Variants in PHC2 observed in about 807,000 individuals in gnomAD.
The protein encoded by PHC2 is polyhomeotic homolog 2, also known as polyhomeotic-like protein 2.
A neutral mutation model predicts 87.4 loss-of-function variants in PHC2; 29 were observed. The observed-to-expected ratio is 0.33, with a 90% CI of 0.25 to 0.45. The LOEUF (loss-of-function observed/expected upper bound fraction) is 0.45, where lower values mean the gene tolerates loss of function less well. Among genes scored for constraint, PHC2 ranks in the 20% least tolerant of loss-of-function variants. The pLI, the probability that PHC2 is intolerant of heterozygous loss-of-function variation, is 1.00. For missense variants in PHC2, 857 were observed against 1,136.7 expected (o/e 0.75, Z 3.54); for synonymous variants, 438 against 461.7 (o/e 0.95, Z 0.66).
At chr1:33,391,653 GAAA>G (rs11315105) in intron 1 of PHC2, among the ~76,000 whole-genome samples, 1 of 140,044 alleles carries the variant, frequency 7.1e-6, no homozygotes, top group African/African-American at 2.5e-5. Flanking sequence ...CCTTTGATAG[GAAA>G]AAAAAAAAAA....
rs751803582 is a variant in PHC2, at chr1:33,332,257, AG to A, written c.1891+17del. 6.2e-7 allele frequency: 1 copy of A among 1,613,880 alleles called. No homozygotes were observed. Among genetic ancestry groups the A allele is most frequent in the South Asian group, 1.1e-5 (1 of 91,068 alleles). ...GCCACGCTGGGAGGCCGAGAGATTC[AG>A]GGTCTGAGATGCCCACCTTGCAGAT... is the stretch of plus-strand genomic sequence containing the variant. On this transcript the variant is annotated intron_variant, in intron 11 of 14. Transcript: ENST00000683057. This position sits in a 1 kb window ranked among gnomAD's most constrained non-coding sequence, Gnocchi z 4.2.
At chr1:33,346,248 G>GGC in intron 9 of PHC2, 2 of 284,156 alleles carry the variant, frequency 7.0e-6, no homozygotes, top group Non-Finnish European at 1.0e-5. Context: ...GGGAGGGTGG[G>GGC]CAGGCTCAGA....
At chr1:33,415,450 C>T (rs1324396873) in intron 1 of PHC2, among the ~76,000 whole-genome samples, 2 of 152,210 alleles carry the variant, frequency 1.3e-5, no homozygotes, top group African/African-American at 4.8e-5. Flanking sequence ...AGACCAACGG[C>T]TGCTCTGGAC....
At chr1:33,379,895 C>T (rs1302369862) in intron 1 of PHC2, among the ~76,000 whole-genome samples, 2 of 152,136 alleles carry the variant, frequency 1.3e-5, no homozygotes, top group Non-Finnish European at 2.9e-5. Context: ...CTCCCAAGTG[C>T]CCGCACCCTT....
chr1:33,340,519 A>C (rs1255309058), intron 9 of PHC2, among the ~76,000 whole-genome samples: 1 of 152,236 alleles, frequency 6.6e-6, no homozygotes, highest in African/African-American at 2.4e-5. Flanking sequence ...AACAGGCCGT[A>C]CTGCAGTGCG....
At position 33,364,390 on chromosome 1, in the gene PHC2, T is replaced by TCACACA. The variant is rs34468965; in HGVS notation, c.976+2720_976+2725dup. 3.7e-4 allele frequency among the ~76,000 whole-genome samples: 39 copies of TCACACA among 106,786 alleles called. No individual in the cohort carries two copies. Among genetic ancestry groups the TCACACA allele is most frequent in the African/African-American group, 1.7e-3 (36 of 20,782 alleles). The allele number at this position is 106,786 out of a possible 152,430, so 70.1% of individuals were successfully genotyped here. On this transcript the variant is annotated intron_variant, in intron 7 of 14. Transcript: ENST00000683057. The surrounding 1 kb of genome is among the most constrained non-coding windows in gnomAD (Gnocchi z 4.1). ...CACACACACACACACACACTTGCTT[T>TCACACA]CACACACACACACACACACACACAC...
At chr1:33,354,704 C>T in intron 8 of PHC2, 134 bp downstream of exon 8, 1 of 1,312,974 alleles carries the variant, frequency 7.6e-7, no homozygotes, top group South Asian at 1.4e-5. Context: ...GGAAGGCCCT[C>T]TCTTCCTTCT....
Position 33,340,250 on chromosome 1 carries a change from C to T in PHC2, c.1559-5958G>A, listed in dbSNP as rs371814600. 9.2e-5 allele frequency among the ~76,000 whole-genome samples: 14 copies of T among 152,294 alleles called. 1 individual carries two copies. In the South Asian group the frequency reaches 2.9e-3, roughly 32 times the overall value. Reference sequence around the variant, plus strand: ...AGTAGATGATAACATGGCTCATTTTCTTACAACAAATTCTGCTCAACAAAT... The same window carrying T: ...AGTAGATGATAACATGGCTCATTTTTTTACAACAAATTCTGCTCAACAAAT... On this transcript the variant is annotated intron_variant, in intron 9 of 14. Coordinates refer to ENST00000683057, the MANE Select transcript of PHC2 (RefSeq NM_001385109.1).
In PHC2 at chr1:33,354,870, C is replaced by T; in HGVS notation, c.1360G>A (p.Val454Ile). ...PQRRFQHTSA[V>I]ILQLQPASPV... ...GAAGCAGGCTGCAGTTGTAAGATGA[C>T]AGCTGAAGTGTGCTGGAACCTGCGT... The change falls in exon 8 of 15, where the codon GTC (valine) becomes ATC (isoleucine). Residue 454 changes from valine to isoleucine, a missense_variant. By Grantham distance (29) the Val-to-Ile change is conservative. Around this residue, in one of 3 missense-constraint regions of PHC2, gnomAD observed 832 missense variants for 1,081.8 expected, o/e 0.77. Coordinates refer to ENST00000683057, the MANE Select transcript of PHC2 (RefSeq NM_001385109.1). 1.2e-6 allele frequency: 2 copies of T among 1,614,096 alleles called. No homozygotes were observed. The highest frequency in any genetic ancestry group is 1.7e-6 in the Non-Finnish European group (2 of 1,179,998).
chr1:33,352,830 T>TG (rs1376121187), intron 9 of PHC2, among the ~76,000 whole-genome samples: 2 of 152,186 alleles, frequency 1.3e-5, no homozygotes, highest in African/African-American at 4.8e-5. Context: ...GTCAGAGTCA[T>TG]GGCGCTGCCC....
At chr1:33,351,633 G>A (rs982654917) in intron 9 of PHC2, among the ~76,000 whole-genome samples, 1 of 152,168 alleles carries the variant, frequency 6.6e-6, no homozygotes, top group Non-Finnish European at 1.5e-5. Flanking sequence ...TTCCCACAGT[G>A]CTTTGCACAG....
intron 7 of PHC2, among the ~76,000 whole-genome samples, chr1:33,359,806 G>A (rs1249410062): frequency 6.6e-6 from 1 of 152,198 alleles, no homozygotes; most frequent in East Asian, 1.9e-4. Flanking sequence ...CAGCATTCGG[G>A]AAGACTCAGA....
chr1:33,353,330 A>G (rs1397880158), intron 9 of PHC2: 2 of 152,236 alleles, frequency 1.3e-5, no homozygotes, highest in Admixed American at 6.5e-5. Flanking sequence ...ATCATGACCA[A>G]TGCTGGCAAA....
At chr1:33,333,936 G>A in intron 10 of PHC2, 154 bp downstream of exon 10, 1 of 679,732 alleles carries the variant, frequency 1.5e-6, no homozygotes. Context: ...GATAATCCTA[G>A]AAAGAAATGG....
chr1:33,417,967 T>C (rs1274695772), intron 1 of PHC2, among the ~76,000 whole-genome samples: 4 of 152,084 alleles, frequency 2.6e-5, no homozygotes, highest in African/African-American at 9.7e-5. Context: ...AACAATGCAC[T>C]TCAAAATAAC....
chr1:33,346,334 T>C (rs1181695817), intron 9 of PHC2: 22 of 985,268 alleles, frequency 2.2e-5, no homozygotes, highest in Non-Finnish European at 2.5e-5. Context: ...GTGAGATTCC[T>C]CCTGACCACA....
chr1:33,401,052 C>A (rs1649501341), intron 1 of PHC2, among the ~76,000 whole-genome samples: 1 of 152,136 alleles, frequency 6.6e-6, no homozygotes, highest in Non-Finnish European at 1.5e-5. Context: ...TTGGGCCAGG[C>A]ATGGTGGCTC....
At chr1:33,351,746 G>A (rs1239013738) in intron 9 of PHC2, among the ~76,000 whole-genome samples, 2 of 152,074 alleles carry the variant, frequency 1.3e-5, no homozygotes, top group Admixed American at 1.3e-4. Flanking sequence ...GAGGTCAGGA[G>A]TTTGAGACCA....
Position 33,349,526 on chromosome 1 carries a change from A to C in PHC2, c.1558+4875T>G. ...TTAGGGGCACCGAGGGCGGTGCCCG[A>C]CTTCCAGTGCGGCGAGCGCGGCCCC... On this transcript the variant is annotated intron_variant, in intron 9 of 14. Transcript: ENST00000683057. This position sits in a 1 kb window ranked among gnomAD's most constrained non-coding sequence, Gnocchi z 4.2. 2 of 983,400 alleles carry C rather than the reference A, an allele frequency of 2.0e-6. No individual in the cohort carries two copies. Among genetic ancestry groups the C allele is most frequent in the Non-Finnish European group, 2.4e-6 (2 of 828,318 alleles). 60.9% of individuals were successfully genotyped at this position (983,400 alleles called of 1,614,324 possible). A position where few individuals can be genotyped will look rare whatever the true frequency, so the allele number is the denominator to read the frequency against.
Sources: gnomAD v4.1 joint callset for allele counts (sites outside exome capture counted in the v4.1 genomes callset) on GRCh38, gnomAD v4.1.1 for gene constraint, gnomAD v4.1.1 regional missense constraint, Gnocchi (gnomAD v3.1) non-coding constraint, MANE v1.5 for transcripts, NCBI Gene and HGNC (gene_info 2026-07-23, HGNC 2026-07-21) for gene names.